Variants in NSUN6 observed in about 807,000 individuals in gnomAD.
NSUN6 encodes the protein NOP2/Sun RNA methyltransferase 6.
A neutral mutation model predicts 58.0 loss-of-function variants in NSUN6; 64 were observed. The observed-to-expected ratio is 1.10, with a 90% confidence interval of 0.90 to 1.36. NSUN6 has a LOEUF of 1.36. NSUN6 is among the 40% of genes most tolerant of loss of function. The pLI is 0.00. For synonymous variants in NSUN6, 231 were observed against 193.9 expected, an observed-to-expected ratio of 1.19 and a Z score of -1.59; for missense variants, 701 against 550.1, an observed-to-expected ratio of 1.27 and a Z score of -2.74.
chr10:18,574,089 T>C (rs1314600639), intron 8 of NSUN6, among the ~76,000 whole-genome samples: 1 of 151,490 alleles, frequency 6.6e-6, no homozygotes, highest in African/African-American at 2.4e-5. Context: ...GACAGTGGAG[T>C]AGCTTTAGGA....
At chr10:18,561,910 G>A (rs1443591852) in intron 8 of NSUN6, among the ~76,000 whole-genome samples, 4 of 150,078 alleles carry the variant, frequency 2.7e-5, no homozygotes, top group Non-Finnish European at 4.5e-5. Context: ...ACAATGGAAA[G>A]AAATGGAGAA....
At chr10:18,570,972 C>G (rs2056327352) in intron 8 of NSUN6, among the ~76,000 whole-genome samples, 1 of 150,404 alleles carries the variant, frequency 6.6e-6, no homozygotes, top group African/African-American at 2.4e-5. Context: ...ATTCCATTCC[C>G]ATTCCATTTT....
rs981656939 is a variant in NSUN6 at position 18,616,890 on chromosome 10, G to T, written c.312-597C>A. Among the ~76,000 whole-genome samples, 6 of 152,114 alleles carry T rather than the reference G, an allele frequency of 3.9e-5. 1 individual carries two copies. The highest frequency in any genetic ancestry group is 8.8e-5 in the Non-Finnish European group (6 of 68,024). The stretch of plus-strand genomic sequence containing the variant: ...ACCCTTAACAATGAGTCTCTAATAA[G>T]CTTCCTTGGATGTGCTGTCACAACT... On this transcript the variant is annotated intron_variant, in intron 3 of 10. Transcript: ENST00000377304.
intron 3 of NSUN6, among the ~76,000 whole-genome samples, chr10:18,621,716 T>TATA (rs1282062359): frequency 6.6e-6 from 1 of 152,180 alleles, no homozygotes; most frequent in Admixed American, 6.5e-5. Flanking sequence ...AGAAAAGTAT[T>TATA]AGAATAGCTA....
rs111217670 is a variant in NSUN6, at chr10:18,555,540, C to A, written c.923-3569G>T. Among the ~76,000 whole-genome samples, 678 of 112,140 alleles carry A rather than the reference C, an allele frequency of 6.0e-3. 8 individuals are homozygous for A. The highest frequency in any genetic ancestry group is 0.022 in the African/African-American group (634 of 29,398). 73.6% of individuals were successfully genotyped at this position (112,140 alleles called of 152,430 possible). A position where few individuals can be genotyped will look rare whatever the true frequency, so the allele number is the denominator to read the frequency against. ...AATGGAAGGGAGCATGGAATGAAGG[C>A]AGCATGGAATGGAATAGAGAATGGA... On this transcript the variant is annotated intron_variant, in intron 8 of 10. Coordinates refer to ENST00000377304, the MANE Select transcript of NSUN6 (RefSeq NM_182543.5).
chr10:18,644,319 G>C (rs1564844634), intron 2 of NSUN6, among the ~76,000 whole-genome samples: 1 of 152,150 alleles, frequency 6.6e-6, no homozygotes, highest in South Asian at 2.1e-4. Context: ...CATGATGCCA[G>C]AAGTAGAAAA....
intron 7 of NSUN6, among the ~76,000 whole-genome samples, chr10:18,594,170 C>G (rs1666406990): frequency 6.6e-6 from 1 of 150,402 alleles, no homozygotes; most frequent in Non-Finnish European, 1.5e-5. Flanking sequence ...ACGGTGCACT[C>G]CAGCCTCAGC....
intron 3 of NSUN6, among the ~76,000 whole-genome samples, chr10:18,630,632 A>C (rs965248396): frequency 1.2e-4 from 18 of 152,278 alleles, no homozygotes; most frequent in East Asian, 3.9e-4. Flanking sequence ...AACACCTCTA[A>C]GCAAATAAAC....
chr10:18,560,869 T>C (rs1368568303), intron 8 of NSUN6, among the ~76,000 whole-genome samples: 1 of 146,590 alleles, frequency 6.8e-6, no homozygotes. Flanking sequence ...GTGAACAGAA[T>C]GGAATGGAGA....
upstream of NSUN6, chr10:18,652,305 T>C (rs746743188): frequency 6.1e-6 from 6 of 984,812 alleles, no homozygotes; most frequent in Non-Finnish European, 7.2e-6. Context: ...AGTCATTTTA[T>C]AACTGTACAG....
intron 8 of NSUN6, among the ~76,000 whole-genome samples, chr10:18,574,424 C>T (rs576581104): frequency 6.6e-6 from 1 of 152,040 alleles, no homozygotes; most frequent in African/African-American, 2.4e-5. Context: ...AACAGGAAAT[C>T]CAAATCTAAG....
intron 3 of NSUN6, among the ~76,000 whole-genome samples, chr10:18,637,933 A>G (rs2059271267): frequency 6.6e-6 from 1 of 152,236 alleles, no homozygotes; most frequent in East Asian, 1.9e-4. Context: ...TCATGTATGC[A>G]GATGTAAGCA....
chr10:18,563,186 G>C (rs1166247775), intron 8 of NSUN6, among the ~76,000 whole-genome samples: 1 of 95,386 alleles, frequency 1.0e-5, no homozygotes, highest in Non-Finnish European at 2.1e-5. Context: ...ATGGAGAATG[G>C]TATGGAATGG....
intron 7 of NSUN6, among the ~76,000 whole-genome samples, chr10:18,591,180 A>C (rs1408372444): frequency 1.3e-5 from 2 of 152,180 alleles, no homozygotes; most frequent in South Asian, 4.1e-4. Context: ...TCCCAAAACT[A>C]AATCAGGAAG....
At chr10:18,591,451 A>G (rs149003916) in intron 7 of NSUN6, among the ~76,000 whole-genome samples, 117 of 152,332 alleles carry the variant, frequency 7.7e-4, no homozygotes, top group African/African-American at 2.7e-3. Flanking sequence ...TCCCTGATGA[A>G]TATCTATGCA....
chr10:18,596,278 T>C lies in NSUN6; in HGVS notation c.707A>G (p.Glu236Gly). 1 of 1,602,302 alleles carries C rather than the reference T, an allele frequency of 6.2e-7. No homozygotes were observed. The highest frequency in any genetic ancestry group is 2.2e-5 in the East Asian group (1 of 44,806). Residue 236 changes from glutamate (E) to glycine (G), a missense_variant, in exon 7 of 11, where the codon GAG becomes GGG. Physicochemically the swap from Glu to Gly is moderately conservative, Grantham distance 98. Coordinates refer to ENST00000377304, the MANE Select transcript of NSUN6 (RefSeq NM_182543.5). ...VSHVLNPQPG[E>G]KILDLCAAPG... ...TGCTGCACACAAGTCTAGAATCTTCTCTCCAGGTTGAGGATTTAGTACATG... is the reference window on the plus strand; with the variant it reads ...TGCTGCACACAAGTCTAGAATCTTCCCTCCAGGTTGAGGATTTAGTACATG...
At chr10:18,647,979 T>A (rs917951879) in intron 2 of NSUN6, among the ~76,000 whole-genome samples, 1 of 152,178 alleles carries the variant, frequency 6.6e-6, no homozygotes, top group Non-Finnish European at 1.5e-5. Context: ...CCTCATGTGA[T>A]CCACCTGCTT....
chr10:18,622,674 A>G (rs1331306275), intron 3 of NSUN6, among the ~76,000 whole-genome samples: 3 of 152,186 alleles, frequency 2.0e-5, no homozygotes, highest in Non-Finnish European at 2.9e-5. Flanking sequence ...GTGCCATTGC[A>G]CTCTAGCCTG....
At chr10:18,655,237 G>GTTTAGCA (rs1332809994), upstream of NSUN6, 45 of 674,054 alleles carry the variant, frequency 6.7e-5, no homozygotes, top group Non-Finnish European at 7.7e-5. Context: ...TATGACTGAA[G>GTTTAGCA]TTTAGCAGGG....
Sources: gnomAD v4.1 joint callset for allele counts (sites outside exome capture counted in the v4.1 genomes callset) on GRCh38, gnomAD v4.1.1 for gene constraint, MANE v1.5 for transcripts, NCBI Gene and HGNC (gene_info 2026-07-23, HGNC 2026-07-21) for gene names.